PHACTR3: variants seen among roughly 807,000 people sequenced by gnomAD.
PHACTR3 encodes the protein protein phosphatase 1, regulatory subunit 123.
In PHACTR3, 16 loss-of-function variants were observed where a neutral mutation model predicts 66.8. The observed-to-expected ratio is 0.24, with a 90% confidence interval of 0.16 to 0.36. The LOEUF (loss-of-function observed/expected upper bound fraction) is 0.36, where lower values mean the gene tolerates loss of function less well. Among genes scored for constraint, PHACTR3 ranks in the 10% least tolerant of loss-of-function variants. PHACTR3 has a pLI of 1.00. For missense variants in PHACTR3, 647 were observed against 719.9 expected (o/e 0.90, Z 1.16); for synonymous variants, 323 against 292.1 (o/e 1.11, Z -1.08).
intron 1 of PHACTR3, among the ~76,000 whole-genome samples, chr20:59,659,393 T>TTTG (rs1568683361): frequency 6.7e-6 from 1 of 148,386 alleles, no homozygotes; most frequent in African/African-American, 2.5e-5. Context: ...TTTTTTTTTT[T>TTTG]GAGACAGTCT....
At chr20:59,707,787 G>T (rs1011387479) in intron 1 of PHACTR3, among the ~76,000 whole-genome samples, 2 of 152,010 alleles carry the variant, frequency 1.3e-5, no homozygotes, top group African/African-American at 4.8e-5. Flanking sequence ...TCTTGCCATC[G>T]AACGTGCCTG....
At chr20:59,708,998 C>T (rs1288060833) in intron 1 of PHACTR3, among the ~76,000 whole-genome samples, 6 of 152,144 alleles carry the variant, frequency 3.9e-5, no homozygotes, top group African/African-American at 1.4e-4. Flanking sequence ...TTGGCTTTAG[C>T]GCCACCTTTC....
At chr20:59,624,461 T>A (rs1282836737) in intron 1 of PHACTR3, among the ~76,000 whole-genome samples, 1 of 152,148 alleles carries the variant, frequency 6.6e-6, no homozygotes, top group Non-Finnish European at 1.5e-5. Flanking sequence ...TGAACATGCA[T>A]TTTTAGCAAG....
Position 59,755,226 on chromosome 20 carries a change from G to C in PHACTR3, c.403G>C (p.Val135Leu). 6.2e-7 allele frequency: 1 copy of C among 1,613,878 alleles called. No homozygotes were observed. Among genetic ancestry groups the C allele is most frequent in the Non-Finnish European group, 8.5e-7 (1 of 1,180,036 alleles). ...TCNPDGGPRSVQSEPPTPKSE... is the reference protein window; with the variant it reads ...TCNPDGGPRSLQSEPPTPKSE... ...CAACCCCGATGGAGGACCCCGATCT[G>C]TACAGAGTGAACCACCCACTCCCAA... Residue 135 changes from valine (V) to leucine (L), a missense_variant, in exon 4 of 13, where the codon GTA becomes CTA. Physicochemically the swap from Val to Leu is conservative, Grantham distance 32 (BLOSUM62 1). This residue lies in a region of PHACTR3 where 577 missense variants were observed against 571.1 expected (regional missense o/e 1.01). Transcript: ENST00000371015.
rs1190414528 is a variant in PHACTR3, at chr20:59,716,254, GTGTGTGTGTT to G, written c.119-26852_119-26843del. Among the ~76,000 whole-genome samples the G allele has an allele frequency of 7.5e-5, 8 of 106,324 alleles. No individual in the cohort carries two copies. In the South Asian group the frequency reaches 1.7e-3, roughly 22 times the overall value. The allele number at this position is 106,324 out of a possible 152,430, so 69.8% of individuals were successfully genotyped here. A position where few individuals can be genotyped will look rare whatever the true frequency, so the allele number is the denominator to read the frequency against. On this transcript the variant is annotated intron_variant, in intron 1 of 12. Coordinates refer to ENST00000371015, the MANE Select transcript of PHACTR3 (RefSeq NM_080672.5). ...TGTGTGTGTGTGTGTGTGTGTGTGT[GTGTGTGTGTT>G]GTGACAGAGTCTCGTTCTGTTGCCC...
At chr20:59,816,989 A>G (rs751153609) in intron 8 of PHACTR3, among the ~76,000 whole-genome samples, 1 of 152,120 alleles carries the variant, frequency 6.6e-6, no homozygotes, top group Non-Finnish European at 1.5e-5. Context: ...TGCTTGATGT[A>G]CCCTAATATC....
At chr20:59,800,721 T>G (rs1014182959) in intron 7 of PHACTR3, among the ~76,000 whole-genome samples, 2 of 152,238 alleles carry the variant, frequency 1.3e-5, no homozygotes, top group African/African-American at 4.8e-5. Flanking sequence ...ATGACACATG[T>G]GAATTTTACC....
intron 1 of PHACTR3, among the ~76,000 whole-genome samples, chr20:59,666,808 G>C (rs530928945): frequency 1.3e-5 from 2 of 152,194 alleles, no homozygotes; most frequent in Non-Finnish European, 2.9e-5. Context: ...GCAGGCTCGC[G>C]GTCCAGGTCC....
chr20:59,609,697 G>A (rs1009596319), intron 1 of PHACTR3, among the ~76,000 whole-genome samples: 2 of 152,224 alleles, frequency 1.3e-5, no homozygotes, highest in Admixed American at 1.3e-4. Context: ...TCTTTTGTCT[G>A]TACCATGGCT....
At chr20:59,664,081 T>C (rs765116492) in intron 1 of PHACTR3, among the ~76,000 whole-genome samples, 1 of 152,170 alleles carries the variant, frequency 6.6e-6, no homozygotes, top group Non-Finnish European at 1.5e-5. Flanking sequence ...CACTTAACTG[T>C]AAGTTCTTAC....
At chr20:59,623,938 CT>C (rs1317106736) in intron 1 of PHACTR3, among the ~76,000 whole-genome samples, 15 of 152,326 alleles carry the variant, frequency 9.8e-5, no homozygotes, top group African/African-American at 3.4e-4. Flanking sequence ...CACCCCACTT[CT>C]GCTTTGGTGC....
At chr20:59,609,553 G>A in intron 1 of PHACTR3, among the ~76,000 whole-genome samples, 1 of 149,094 alleles carries the variant, frequency 6.7e-6, no homozygotes, top group East Asian at 2.0e-4. Context: ...CTGAGTCTTG[G>A]TTCTCTTCCT....
chr20:59,831,013 G>A (rs1231288892), intron 8 of PHACTR3, among the ~76,000 whole-genome samples: 2 of 152,088 alleles, frequency 1.3e-5, no homozygotes, highest in Non-Finnish European at 2.9e-5. Context: ...CCACCTCTAG[G>A]CCCCTTCCTC....
At chr20:59,638,462 G>T (rs2034971860) in intron 1 of PHACTR3, among the ~76,000 whole-genome samples, 1 of 150,746 alleles carries the variant, frequency 6.6e-6, no homozygotes, top group Non-Finnish European at 1.5e-5. Context: ...GAGTGGATAG[G>T]TAGATGGGTG....
chr20:59,604,911 T>C lies in PHACTR3; in HGVS notation c.-104T>C. ...TTTTTTTTTTTTTTAATTTTCTTTT[T>C]TAAAAAGACGCCCCCTCCAGCCCCC... On this transcript the variant is annotated 5_prime_UTR_variant, in exon 1 of 13. Coordinates refer to ENST00000371015, the MANE Select transcript of PHACTR3 (RefSeq NM_080672.5). 1 of 1,204,420 alleles carries C rather than the reference T, an allele frequency of 8.3e-7. No homozygotes were observed. The highest frequency in any genetic ancestry group is 1.0e-6 in the Non-Finnish European group (1 of 970,172). The allele number at this position is 1,204,420 out of a possible 1,614,324, so 74.6% of individuals were successfully genotyped here.
intron 4 of PHACTR3, 97 bp downstream of exon 4, chr20:59,755,461 G>C: frequency 7.5e-7 from 1 of 1,334,382 alleles, no homozygotes; most frequent in Non-Finnish European, 1.0e-6. Flanking sequence ...AGCCCTCGTA[G>C]AACATTGTTC....
chr20:59,832,065 T>C (rs1020697856), intron 8 of PHACTR3, among the ~76,000 whole-genome samples: 5 of 152,146 alleles, frequency 3.3e-5, no homozygotes, highest in Non-Finnish European at 2.9e-5. Flanking sequence ...GGAGAATGCT[T>C]CCTGGGCCTC....
intron 7 of PHACTR3, among the ~76,000 whole-genome samples, chr20:59,796,345 C>T (rs1276409533): frequency 1.3e-5 from 2 of 151,940 alleles, no homozygotes; most frequent in African/African-American, 4.8e-5. Context: ...TTATTTTTGA[C>T]CATTTTGATT....
At chr20:59,631,898 G>T (rs1350280826) in intron 1 of PHACTR3, among the ~76,000 whole-genome samples, 2 of 152,258 alleles carry the variant, frequency 1.3e-5, no homozygotes, top group South Asian at 2.1e-4. Context: ...TGAGGTCTGT[G>T]TTCCCAGAAG....
Sources: gnomAD v4.1 joint callset for allele counts (sites outside exome capture counted in the v4.1 genomes callset) on GRCh38, gnomAD v4.1.1 for gene constraint, gnomAD v4.1.1 regional missense constraint, MANE v1.5 for transcripts, NCBI Gene and HGNC (gene_info 2026-07-23, HGNC 2026-07-21) for gene names.